Variants in UNC5D observed in about 807,000 individuals in gnomAD.
UNC5D encodes unc-5 netrin receptor D, also known as netrin receptor UNC5D.
In UNC5D, 39 loss-of-function variants were observed where a neutral mutation model predicts 105.4. The observed-to-expected ratio is 0.37, with a 90% CI of 0.29 to 0.48. The LOEUF (loss-of-function observed/expected upper bound fraction) is 0.48. Ranked by LOEUF, UNC5D falls within the 20% of genes least tolerant of loss-of-function variation. The pLI is 0.98. For missense variants in UNC5D, 991 were observed against 1,202.4 expected, an observed-to-expected ratio of 0.82 and a Z score of 2.60; for synonymous variants, 452 against 450.4, an observed-to-expected ratio of 1.00 and a Z score of -0.04.
At chr8:35,668,469 C>T (rs1162537902) in intron 4 of UNC5D, among the ~76,000 whole-genome samples, 3 of 151,904 alleles carry the variant, frequency 2.0e-5, no homozygotes, top group African/African-American at 7.2e-5. Flanking sequence ...TTTTAATAGT[C>T]AGTCTTTATG....
chr8:35,288,032 G>T (rs1035284706), intron 1 of UNC5D, among the ~76,000 whole-genome samples: 55 of 152,106 alleles, frequency 3.6e-4, no homozygotes, highest in African/African-American at 1.3e-3. Flanking sequence ...AGTGCAAAAG[G>T]CTTAGACAGC....
intron 1 of UNC5D, among the ~76,000 whole-genome samples, chr8:35,246,453 T>C (rs1197659455): frequency 6.6e-6 from 1 of 152,134 alleles, no homozygotes; most frequent in Admixed American, 6.6e-5. Flanking sequence ...TGTAGGTTAA[T>C]GCATACATGT....
intron 4 of UNC5D, among the ~76,000 whole-genome samples, chr8:35,637,016 A>G (rs766555963): frequency 1.3e-5 from 2 of 152,152 alleles, no homozygotes; most frequent in Non-Finnish European, 2.9e-5. Flanking sequence ...TCTCACTTCC[A>G]ATGAGGATGA....
At chr8:35,773,196 A>C (rs1802087907) in intron 15 of UNC5D, among the ~76,000 whole-genome samples, 1 of 152,148 alleles carries the variant, frequency 6.6e-6, no homozygotes, top group Admixed American at 6.5e-5. Flanking sequence ...AGTCCACCTA[A>C]ACTTCTTAGC....
intron 1 of UNC5D, among the ~76,000 whole-genome samples, chr8:35,404,984 T>C (rs1804709772): frequency 6.6e-6 from 1 of 152,242 alleles, no homozygotes; most frequent in Admixed American, 6.5e-5. Context: ...TATACTTCAA[T>C]ATTCTATTCT....
chr8:35,379,245 C>T (rs774549098), intron 1 of UNC5D, among the ~76,000 whole-genome samples: 31 of 152,300 alleles, frequency 2.0e-4, no homozygotes, highest in Non-Finnish European at 4.0e-4. Context: ...GTGAGGACCC[C>T]TGACTTTCTC....
intron 1 of UNC5D, among the ~76,000 whole-genome samples, chr8:35,273,068 A>C (rs1186579296): frequency 6.6e-6 from 1 of 152,202 alleles, no homozygotes. Flanking sequence ...AGGACAACTG[A>C]AAGTTGTCAG....
intron 1 of UNC5D, among the ~76,000 whole-genome samples, chr8:35,371,346 A>T (rs776187043): frequency 2.0e-5 from 3 of 152,190 alleles, no homozygotes; most frequent in Non-Finnish European, 2.9e-5. Flanking sequence ...GAAAAGAAAA[A>T]TAACAGTGTT....
At chr8:35,312,143 A>C (rs1194804639) in intron 1 of UNC5D, among the ~76,000 whole-genome samples, 3 of 152,198 alleles carry the variant, frequency 2.0e-5, no homozygotes, top group Non-Finnish European at 4.4e-5. Flanking sequence ...GAATGCTGTC[A>C]CAGCACCATA....
At chr8:35,337,398 G>A (rs1188282676) in intron 1 of UNC5D, among the ~76,000 whole-genome samples, 1 of 152,138 alleles carries the variant, frequency 6.6e-6, no homozygotes, top group South Asian at 2.1e-4. Context: ...TAAACAAAGT[G>A]GGTTTATTCT....
intron 4 of UNC5D, among the ~76,000 whole-genome samples, chr8:35,679,183 A>C (rs1825485718): frequency 6.6e-6 from 1 of 152,124 alleles, no homozygotes; most frequent in South Asian, 2.1e-4. Context: ...CTGGAAGGTC[A>C]AGGCTGTAGT....
At chr8:35,339,241 A>G (rs1811276525) in intron 1 of UNC5D, among the ~76,000 whole-genome samples, 2 of 152,228 alleles carry the variant, frequency 1.3e-5, no homozygotes, top group South Asian at 4.1e-4. Context: ...TATAAGATCC[A>G]GGAATAAAAA....
At chr8:35,657,520 T>C (rs1370011) in intron 4 of UNC5D, among the ~76,000 whole-genome samples, 102,791 of 151,982 alleles carry the variant, frequency 0.68, 39,950 homozygotes, top group East Asian at 0.91. Context: ...GGTCTTGCTC[T>C]GTCTCTCAGG....
chr8:35,319,974 C>A (rs1809603378), intron 1 of UNC5D, among the ~76,000 whole-genome samples: 1 of 151,986 alleles, frequency 6.6e-6, no homozygotes. Flanking sequence ...CCGTAAGTAG[C>A]AGCAAAGTGT....
intron 4 of UNC5D, among the ~76,000 whole-genome samples, chr8:35,676,973 C>T (rs1156661682): frequency 6.6e-6 from 1 of 151,654 alleles, no homozygotes; most frequent in Non-Finnish European, 1.5e-5. Context: ...AAAAATATTA[C>T]ATTGAAATAA....
At chr8:35,541,320 G>A (rs1170915508) in intron 1 of UNC5D, among the ~76,000 whole-genome samples, 1 of 152,138 alleles carries the variant, frequency 6.6e-6, no homozygotes, top group Non-Finnish European at 1.5e-5. Context: ...TTTAAAATAT[G>A]TCAGGAGGCA....
intron 1 of UNC5D, among the ~76,000 whole-genome samples, chr8:35,424,944 G>A (rs1017210110): frequency 2.0e-5 from 3 of 152,152 alleles, no homozygotes; most frequent in Admixed American, 6.5e-5. Flanking sequence ...GGATAGTGAT[G>A]GGGATGTTTG....
intron 1 of UNC5D, chr8:35,544,593 T>C (rs1250090376): frequency 4.9e-6 from 7 of 1,442,552 alleles, no homozygotes; most frequent in Non-Finnish European, 6.5e-6. Context: ...TCTTTCGTTT[T>C]CGTTTTTTTT....
At chr8:35,370,596 G>T (rs1032982399) in intron 1 of UNC5D, among the ~76,000 whole-genome samples, 4 of 152,058 alleles carry the variant, frequency 2.6e-5, no homozygotes, top group African/African-American at 9.7e-5. Flanking sequence ...CAGTCTGTCA[G>T]CTTTTTCTTT....
Sources: gnomAD v4.1 joint callset for allele counts (sites outside exome capture counted in the v4.1 genomes callset) on GRCh38, gnomAD v4.1.1 for gene constraint, MANE v1.5 for transcripts, NCBI Gene and HGNC (gene_info 2026-07-23, HGNC 2026-07-21) for gene names.